The following ASXL2 variants were observed in gnomAD, a reference collection of about 807,000 sequenced individuals.
ASXL2 encodes putative Polycomb group protein ASXL2.
A neutral mutation model predicts 122.0 loss-of-function variants in ASXL2; 23 were observed. The observed-to-expected ratio is 0.19, with a 90% CI of 0.14 to 0.27. The LOEUF (loss-of-function observed/expected upper bound fraction) is 0.27. Ranked by LOEUF, ASXL2 falls within the 10% of genes least tolerant of loss-of-function variation. The probability of loss-of-function intolerance (pLI) is 1.00; values close to 1 mark genes in which losing one functional copy is unlikely to be tolerated. For missense variants in ASXL2, 1,518 were observed against 1,713.8 expected (o/e 0.89, Z 2.02); for synonymous variants, 650 against 637.0 (o/e 1.02, Z -0.31).
intron 5 of ASXL2, among the ~76,000 whole-genome samples, chr2:25,784,557 T>C (rs1310499937): frequency 6.6e-6 from 1 of 152,228 alleles, no homozygotes; most frequent in Non-Finnish European, 1.5e-5. Context: ...TTCTGGAGGC[T>C]GAAAATCCAA....
At chr2:25,765,212 G>A (rs2088323141) in intron 8 of ASXL2, among the ~76,000 whole-genome samples, 1 of 152,074 alleles carries the variant, frequency 6.6e-6, no homozygotes, top group South Asian at 2.1e-4. Flanking sequence ...GTGGCTGGGG[G>A]CGGTGGCTCA....
intron 5 of ASXL2, among the ~76,000 whole-genome samples, chr2:25,781,766 T>C (rs1198811216): frequency 1.3e-5 from 2 of 150,706 alleles, no homozygotes; most frequent in Non-Finnish European, 3.0e-5. Context: ...CCTCCTGGGT[T>C]CAAGCGATTC....
At chr2:25,806,399 C>T (rs142249916) in intron 3 of ASXL2, 62 bp from the exon 4 acceptor site, 9 of 1,063,802 alleles carry the variant, frequency 8.5e-6, no homozygotes, top group Non-Finnish European at 1.3e-5. Context: ...TCTGAATATC[C>T]TATGTAACAC....
chr2:25,740,543 T>G lies in ASXL2; in HGVS notation c.*1486A>C, dbSNP rs1306704622. 2 of 229,604 alleles carry G rather than the reference T, an allele frequency of 8.7e-6. No individual in the cohort carries two copies. Among genetic ancestry groups the G allele is most frequent in the Non-Finnish European group, 1.7e-5 (2 of 115,968 alleles). The allele number at this position is 229,604 out of a possible 1,614,324, so 14.2% of individuals were successfully genotyped here. On this transcript the variant is annotated 3_prime_UTR_variant, in exon 13 of 13. Coordinates refer to ENST00000435504, the MANE Select transcript of ASXL2 (RefSeq NM_018263.6). ...CATTTAATACAAAATTCTGTTAAAC[T>G]GCAGGTTTATTTTAATGTTCCTTAA... is the stretch of plus-strand genomic sequence containing the variant.
intron 1 of ASXL2, among the ~76,000 whole-genome samples, chr2:25,864,868 G>T (rs1052766932): frequency 1.3e-5 from 2 of 148,226 alleles, no homozygotes; most frequent in Admixed American, 1.4e-4. Flanking sequence ...TTTCGCTCTC[G>T]TTGCCCAGGC....
intron 3 of ASXL2, among the ~76,000 whole-genome samples, chr2:25,814,139 A>C (rs895664800): frequency 2.0e-5 from 3 of 152,264 alleles, no homozygotes; most frequent in African/African-American, 7.2e-5. Flanking sequence ...TGAAGGAAAC[A>C]AAATTTTGAA....
At chr2:25,841,480 C>A (rs1438329944) in intron 2 of ASXL2, among the ~76,000 whole-genome samples, 1 of 152,050 alleles carries the variant, frequency 6.6e-6, no homozygotes, top group Non-Finnish European at 1.5e-5. Flanking sequence ...GCTACCTTAA[C>A]GTAAGGTACA....
In ASXL2 at chr2:25,878,350, G is replaced by T; in HGVS notation, c.-128C>A. On this transcript the variant is annotated 5_prime_UTR_variant, in exon 1 of 13. Coordinates refer to ENST00000435504, the MANE Select transcript of ASXL2 (RefSeq NM_018263.6). ...GGAGAAAAGGGAAGTCAGACCGGGGGGGCACCCAAGCAGAGGAAGCGGCGG... is the reference window on the plus strand; with the variant it reads ...GGAGAAAAGGGAAGTCAGACCGGGGTGGCACCCAAGCAGAGGAAGCGGCGG... 3.1e-6 allele frequency: 3 copies of T among 957,724 alleles called. No individual in the cohort carries two copies. Among genetic ancestry groups the T allele is most frequent in the East Asian group, 5.1e-5 (2 of 39,564 alleles). 59.3% of individuals were successfully genotyped at this position (957,724 alleles called of 1,614,324 possible).
intron 3 of ASXL2, among the ~76,000 whole-genome samples, chr2:25,825,532 C>T (rs575254003): frequency 1.9e-4 from 29 of 152,296 alleles, no homozygotes; most frequent in African/African-American, 7.0e-4. Flanking sequence ...TAAGTGGAAT[C>T]GTACAGTATT....
At position 25,736,507 on chromosome 2, in the gene ASXL2, G is replaced by A. The variant is rs1160930709; in HGVS notation, c.*5522C>T. The stretch of plus-strand genomic sequence containing the variant: ...CCTGAGACTTAAGAAGCTTCCTTTA[G>A]AAACAGCACATTTTCAGCTAAGATC... On this transcript the variant is annotated 3_prime_UTR_variant, in exon 13 of 13. Transcript: ENST00000435504. 3 of 152,114 alleles carry A rather than the reference G, an allele frequency of 2.0e-5. No homozygotes were observed. The highest frequency in any genetic ancestry group is 4.4e-5 in the Non-Finnish European group (3 of 68,018). The allele number at this position is 152,114 out of a possible 1,614,324, so 9.4% of individuals were successfully genotyped here.
At chr2:25,850,316 T>C (rs964638901) in intron 1 of ASXL2, among the ~76,000 whole-genome samples, 3 of 152,228 alleles carry the variant, frequency 2.0e-5, no homozygotes, top group African/African-American at 7.2e-5. Flanking sequence ...GACCCACATA[T>C]ACTGCATTTG....
intron 3 of ASXL2, among the ~76,000 whole-genome samples, chr2:25,822,091 T>A (rs1027189410): frequency 1.3e-5 from 2 of 152,202 alleles, no homozygotes; most frequent in African/African-American, 4.8e-5. Flanking sequence ...GCGAGAAGAA[T>A]TCATCTTCCA....
At position 25,865,789 on chromosome 2, in the gene ASXL2, A is replaced by C. The variant is rs545733493; in HGVS notation, c.57+12377T>G. ...GACTCCGTCTCAAAAAAAAAAAAAA[A>C]AAAAAAAAAAAAATCCAATATAAAA... On this transcript the variant is annotated intron_variant, in intron 1 of 12. Transcript: ENST00000435504. Among the ~76,000 whole-genome samples the C allele has an allele frequency of 2.6e-5, 4 of 151,224 alleles. No homozygotes were observed. In the East Asian group the frequency reaches 7.7e-4, roughly 29 times the overall value.
In ASXL2 at chr2:25,734,058, T is replaced by G. The variant is rs1470321950; in HGVS notation, c.*7971A>C. 2.1e-5 allele frequency: 3 copies of G among 140,558 alleles called. No individual in the cohort carries two copies. Among genetic ancestry groups the G allele is most frequent in the African/African-American group, 8.0e-5 (3 of 37,610 alleles). 8.7% of individuals were successfully genotyped at this position (140,558 alleles called of 1,614,324 possible). The stretch of plus-strand genomic sequence containing the variant: ...TGCAGTCACAGAATTAAGACAGGTT[T>G]TTTTTTTTTAAAAAAAATAGGTCAA... On this transcript the variant is annotated 3_prime_UTR_variant, in exon 13 of 13. Coordinates refer to ENST00000435504, the MANE Select transcript of ASXL2 (RefSeq NM_018263.6).
intron 3 of ASXL2, among the ~76,000 whole-genome samples, chr2:25,827,992 C>T (rs535866460): frequency 1.3e-5 from 2 of 151,608 alleles, no homozygotes; most frequent in East Asian, 1.9e-4. Flanking sequence ...TTCTAAAAAG[C>T]ATGGCTTTGT....
chr2:25,858,223 C>T (rs188204485), intron 1 of ASXL2, among the ~76,000 whole-genome samples: 116 of 152,270 alleles, frequency 7.6e-4, no homozygotes, highest in African/African-American at 2.2e-3. Context: ...ACAACTGATT[C>T]TTTTAAATTG....
At chr2:25,825,355 A>C (rs1213198403) in intron 3 of ASXL2, among the ~76,000 whole-genome samples, 1 of 152,194 alleles carries the variant, frequency 6.6e-6, no homozygotes, top group Admixed American at 6.5e-5. Context: ...ACCTAAGTGT[A>C]CAGGTTCAGT....
chr2:25,823,500 C>T (rs976665635), intron 3 of ASXL2, among the ~76,000 whole-genome samples: 5 of 152,146 alleles, frequency 3.3e-5, no homozygotes, highest in African/African-American at 1.2e-4. Context: ...TCAGTATTCA[C>T]ATGTATCTTA....
At chr2:25,873,367 C>T (rs901223863) in intron 1 of ASXL2, among the ~76,000 whole-genome samples, 1 of 152,118 alleles carries the variant, frequency 6.6e-6, no homozygotes, top group Admixed American at 6.6e-5. Context: ...GCCGAGATTG[C>T]ACCACTGCTC....
Sources: gnomAD v4.1 joint callset for allele counts (sites outside exome capture counted in the v4.1 genomes callset) on GRCh38, gnomAD v4.1.1 for gene constraint, MANE v1.5 for transcripts, NCBI Gene and HGNC (gene_info 2026-07-23, HGNC 2026-07-21) for gene names.